Variants in GMDS observed in about 807,000 individuals in gnomAD.
GMDS encodes GDP-mannose 4,6-dehydratase, also known as GDP-mannose 4,6 dehydratase.
GMDS carries 20 observed loss-of-function variants against 49.9 expected under a neutral mutation model. The ratio of observed to expected loss-of-function variants is 0.40; its 90% CI spans 0.28 to 0.58. The LOEUF is 0.58. GMDS is among the 20% of genes least tolerant of loss of function. The pLI is 0.42. For missense variants in GMDS, 362 were observed against 481.4 expected (o/e 0.75, Z 2.32); for synonymous variants, 177 against 178.6 (o/e 0.99, Z 0.07).
intron 9 of GMDS, among the ~76,000 whole-genome samples, chr6:1,681,052 C>G (rs1435631304): frequency 6.6e-6 from 1 of 152,112 alleles, no homozygotes; most frequent in Admixed American, 6.6e-5. Flanking sequence ...ATCGAATATA[C>G]ATACACATGC....
chr6:2,239,107 T>G (rs1781497271), intron 1 of GMDS, among the ~76,000 whole-genome samples: 2 of 152,156 alleles, frequency 1.3e-5, no homozygotes, highest in Non-Finnish European at 2.9e-5. Flanking sequence ...GGTGGGCGGA[T>G]GACTTGAGGC....
chr6:2,070,385 T>A (rs939235761), intron 4 of GMDS, among the ~76,000 whole-genome samples: 2 of 151,680 alleles, frequency 1.3e-5, no homozygotes, highest in Non-Finnish European at 2.9e-5. Context: ...AACCTGCACA[T>A]TGTGCACATG....
intron 7 of GMDS, among the ~76,000 whole-genome samples, chr6:1,763,819 C>T (rs989319275): frequency 6.6e-6 from 1 of 152,300 alleles, no homozygotes; most frequent in African/African-American, 2.4e-5. Context: ...GCTAGGACCA[C>T]TAGTGAAAGT....
At chr6:1,728,715 C>A (rs946629060) in intron 8 of GMDS, among the ~76,000 whole-genome samples, 2 of 152,096 alleles carry the variant, frequency 1.3e-5, no homozygotes, top group South Asian at 2.1e-4. Flanking sequence ...TGAGGCCGTG[C>A]CTGAGGGGTC....
At chr6:1,920,641 T>C (rs1761669423) in intron 7 of GMDS, among the ~76,000 whole-genome samples, 4 of 152,250 alleles carry the variant, frequency 2.6e-5, no homozygotes, top group Admixed American at 2.0e-4. Flanking sequence ...TATTTACATC[T>C]ATTTCCTGTG....
chr6:1,906,056 T>C (rs1324312815), intron 7 of GMDS, among the ~76,000 whole-genome samples: 1 of 152,100 alleles, frequency 6.6e-6, no homozygotes, highest in East Asian at 1.9e-4. Context: ...TACAATGATC[T>C]TTACATGAAA....
chr6:2,203,176 G>GT (rs1350045748), intron 1 of GMDS, among the ~76,000 whole-genome samples: 1 of 152,090 alleles, frequency 6.6e-6, no homozygotes, highest in Non-Finnish European at 1.5e-5. Flanking sequence ...ATGTACTGGA[G>GT]TTACTTTAGG....
chr6:1,741,132 T>C (rs1001729890), intron 8 of GMDS, among the ~76,000 whole-genome samples: 1 of 152,246 alleles, frequency 6.6e-6, no homozygotes, highest in Non-Finnish European at 1.5e-5. Flanking sequence ...TAATGATCCA[T>C]TCAGGGTAGT....
intron 9 of GMDS, among the ~76,000 whole-genome samples, chr6:1,639,218 A>G: frequency 6.6e-6 from 1 of 152,168 alleles, no homozygotes; most frequent in Admixed American, 6.5e-5. Flanking sequence ...GATGCCACTG[A>G]GGCACTTGCA....
At chr6:1,936,648 C>A (rs897222529) in intron 6 of GMDS, among the ~76,000 whole-genome samples, 1 of 152,132 alleles carries the variant, frequency 6.6e-6, no homozygotes, top group Non-Finnish European at 1.5e-5. Context: ...AAGCATGGAC[C>A]GCTTATATGA....
chr6:1,953,666 T>G (rs1180277455), intron 6 of GMDS, among the ~76,000 whole-genome samples: 1 of 152,190 alleles, frequency 6.6e-6, no homozygotes. Flanking sequence ...TACCTCCTAA[T>G]GTAATAAACA....
At chr6:2,025,357 GGTGTGTGTGTGTGTGTGTGTGTGTGT>G (rs200096039) in intron 4 of GMDS, among the ~76,000 whole-genome samples, 10 of 136,574 alleles carry the variant, frequency 7.3e-5, no homozygotes, top group African/African-American at 5.5e-5. Flanking sequence ...CTGATGGTGG[GGTGTGTGTGTGTGTGTGTGTGTGTGT>G]GTGTGTGTGT....
At chr6:2,142,789 G>A (rs1776368965) in intron 1 of GMDS, among the ~76,000 whole-genome samples, 1 of 152,136 alleles carries the variant, frequency 6.6e-6, no homozygotes, top group Non-Finnish European at 1.5e-5. Context: ...GGAGGAAAGA[G>A]TTTCCACTCT....
intron 1 of GMDS, among the ~76,000 whole-genome samples, chr6:2,198,525 A>G (rs894312111): frequency 2.6e-5 from 4 of 151,892 alleles, no homozygotes; most frequent in African/African-American, 9.7e-5. Context: ...GTTTTTAATC[A>G]TGTTCCAGAG....
At chr6:1,963,902 G>A (rs1264286983) in intron 4 of GMDS, among the ~76,000 whole-genome samples, 1 of 152,104 alleles carries the variant, frequency 6.6e-6, no homozygotes, top group Non-Finnish European at 1.5e-5. Context: ...ACAATCCTAG[G>A]AGAAACAGAA....
chr6:1,873,804 A>G (rs915346058), intron 7 of GMDS, among the ~76,000 whole-genome samples: 1 of 152,142 alleles, frequency 6.6e-6, no homozygotes, highest in South Asian at 2.1e-4. Context: ...AAAACACAAC[A>G]CCCTACCCTG....
intron 7 of GMDS, among the ~76,000 whole-genome samples, chr6:1,913,221 A>G (rs1043259314): frequency 2.2e-4 from 33 of 151,698 alleles, no homozygotes; most frequent in Non-Finnish European, 3.7e-4. Flanking sequence ...CTCTACTAAA[A>G]ATACAAAAAA....
intron 4 of GMDS, among the ~76,000 whole-genome samples, chr6:2,045,431 G>C (rs1374271557): frequency 6.7e-6 from 1 of 150,204 alleles, no homozygotes; most frequent in Non-Finnish European, 1.5e-5. Context: ...TGAATAATTA[G>C]CTGTTTTTTT....
chr6:2,153,373 G>C (rs1776941434), intron 1 of GMDS, among the ~76,000 whole-genome samples: 1 of 152,056 alleles, frequency 6.6e-6, no homozygotes, highest in Non-Finnish European at 1.5e-5. Flanking sequence ...AACTTCTGTA[G>C]GGCCAAAAAA....
Sources: allele counts gnomAD v4.1 joint callset (sites outside exome capture counted in the v4.1 genomes callset), GRCh38; gene constraint gnomAD v4.1.1; transcripts MANE v1.5; gene names NCBI Gene and HGNC (gene_info 2026-07-23, HGNC 2026-07-21).